CDH18: variants seen among roughly 807,000 people sequenced by gnomAD.
CDH18 encodes the protein cadherin 18, also known as cadherin-18.
CDH18 carries 31 observed loss-of-function variants against 67.9 expected under a neutral mutation model. That is an observed-to-expected ratio of 0.46 (90% CI 0.34 to 0.62). CDH18 has a LOEUF of 0.62. Ranked by LOEUF, CDH18 falls within the 20% of genes least tolerant of loss-of-function variation. The pLI is 0.01. For synonymous variants in CDH18, 362 were observed against 347.2 expected (o/e 1.04, Z -0.48); for missense variants, 890 against 975.5 (o/e 0.91, Z 1.17).
At chr5:20,516,182 C>T (rs1259671846) in intron 1 of CDH18, among the ~76,000 whole-genome samples, 2 of 151,510 alleles carry the variant, frequency 1.3e-5, no homozygotes, top group South Asian at 2.1e-4. Flanking sequence ...GATTTTTTTT[C>T]CTTTTGTAAA....
intron 1 of CDH18, among the ~76,000 whole-genome samples, chr5:20,301,095 T>G (rs1469247171): frequency 6.6e-6 from 1 of 152,192 alleles, no homozygotes; most frequent in African/African-American, 2.4e-5. Flanking sequence ...ATTGTGTCTT[T>G]TTTTCAATGA....
chr5:19,968,628 C>T (rs1285319044), intron 2 of CDH18, among the ~76,000 whole-genome samples: 3 of 147,494 alleles, frequency 2.0e-5, no homozygotes, highest in Non-Finnish European at 2.9e-5. Flanking sequence ...GCTGGGAAAA[C>T]TGGCTAGCCA....
chr5:20,222,219 A>G (rs1741283851), intron 2 of CDH18, among the ~76,000 whole-genome samples: 1 of 152,204 alleles, frequency 6.6e-6, no homozygotes, highest in Non-Finnish European at 1.5e-5. Context: ...ATAGATGCAG[A>G]GCCAACAGAT....
At chr5:20,408,349 T>C (rs1351017344) in intron 1 of CDH18, among the ~76,000 whole-genome samples, 1 of 151,974 alleles carries the variant, frequency 6.6e-6, no homozygotes, top group Non-Finnish European at 1.5e-5. Context: ...GGTAAAAATA[T>C]AGACAAATAC....
intron 1 of CDH18, among the ~76,000 whole-genome samples, chr5:20,477,279 A>G (rs574623481): frequency 6.6e-6 from 1 of 152,298 alleles, no homozygotes; most frequent in South Asian, 2.1e-4. Flanking sequence ...CTGCACGCTC[A>G]ACTATCTAAA....
chr5:19,724,502 C>T (rs1161189600), intron 4 of CDH18, among the ~76,000 whole-genome samples: 1 of 114,396 alleles, frequency 8.7e-6, no homozygotes, highest in Admixed American at 1.1e-4. Context: ...CACACTCGTA[C>T]ACACAGACAT....
At chr5:19,589,226 T>A (rs138403204) in intron 7 of CDH18, among the ~76,000 whole-genome samples, 1 of 152,076 alleles carries the variant, frequency 6.6e-6, no homozygotes, top group Non-Finnish European at 1.5e-5. Context: ...ATGTTTATAA[T>A]CCAAAATTGT....
chr5:20,280,677 T>C (rs1342995799), intron 1 of CDH18, among the ~76,000 whole-genome samples: 1 of 152,192 alleles, frequency 6.6e-6, no homozygotes, highest in African/African-American at 2.4e-5. Flanking sequence ...TATGTGTGCA[T>C]GTGTTTTTAT....
chr5:20,263,775 T>C (rs997282788), intron 1 of CDH18, among the ~76,000 whole-genome samples: 18 of 152,286 alleles, frequency 1.2e-4, no homozygotes, highest in African/African-American at 4.3e-4. Context: ...AGGTGTACTA[T>C]TTTAAAAACT....
intron 1 of CDH18, among the ~76,000 whole-genome samples, chr5:20,489,653 T>C (rs1753463499): frequency 6.6e-6 from 1 of 152,032 alleles, no homozygotes; most frequent in African/African-American, 2.4e-5. Flanking sequence ...CAGATTCTTC[T>C]GTTTCTTACA....
At chr5:20,210,818 T>C (rs1201969793) in intron 2 of CDH18, among the ~76,000 whole-genome samples, 1 of 152,076 alleles carries the variant, frequency 6.6e-6, no homozygotes, top group Non-Finnish European at 1.5e-5. Context: ...GTTATCTGTA[T>C]GCTTTTAAAC....
intron 2 of CDH18, among the ~76,000 whole-genome samples, chr5:19,855,161 T>A (rs994908575): frequency 1.3e-5 from 2 of 152,132 alleles, no homozygotes; most frequent in African/African-American, 2.4e-5. Flanking sequence ...TCTGCATTGT[T>A]CCCCGAACTT....
At chr5:20,510,536 C>T (rs1327495013) in intron 1 of CDH18, among the ~76,000 whole-genome samples, 1 of 152,026 alleles carries the variant, frequency 6.6e-6, no homozygotes, top group Non-Finnish European at 1.5e-5. Flanking sequence ...GATTGAAAAT[C>T]TGACTCCCAT....
At chr5:20,206,188 T>A (rs1739871401) in intron 2 of CDH18, among the ~76,000 whole-genome samples, 1 of 151,740 alleles carries the variant, frequency 6.6e-6, no homozygotes, top group African/African-American at 2.4e-5. Context: ...GCAAAAATCA[T>A]TAGACACTAT....
intron 8 of CDH18, among the ~76,000 whole-genome samples, chr5:19,553,308 A>T (rs1737790150): frequency 6.6e-6 from 1 of 152,134 alleles, no homozygotes; most frequent in South Asian, 2.1e-4. Context: ...ATTAATTTAA[A>T]ACTTATGTAA....
chr5:20,071,340 C>T (rs1227195238), intron 2 of CDH18, among the ~76,000 whole-genome samples: 1 of 151,806 alleles, frequency 6.6e-6, no homozygotes, highest in Admixed American at 6.6e-5. Context: ...GCTAAACTCC[C>T]CCCAAACAAG....
chr5:19,955,118 T>C (rs1796139628), intron 2 of CDH18, among the ~76,000 whole-genome samples: 1 of 152,106 alleles, frequency 6.6e-6, no homozygotes, highest in Non-Finnish European at 1.5e-5. Flanking sequence ...TTGGCACTTC[T>C]CCTTCCTGCT....
intron 1 of CDH18, among the ~76,000 whole-genome samples, chr5:20,464,754 G>A (rs16886985): frequency 0.084 from 12,747 of 152,078 alleles, 1,720 homozygotes; most frequent in African/African-American, 0.28. Context: ...TATGATTGCC[G>A]AAAGGAGATA....
intron 8 of CDH18, among the ~76,000 whole-genome samples, chr5:19,564,576 T>C (rs1170246796): frequency 1.3e-5 from 2 of 152,128 alleles, no homozygotes; most frequent in Non-Finnish European, 2.9e-5. Context: ...AGCCAGACAT[T>C]ACTCATCGTG....
Sources: gnomAD v4.1 joint callset for allele counts (sites outside exome capture counted in the v4.1 genomes callset) on GRCh38, gnomAD v4.1.1 for gene constraint, MANE v1.5 for transcripts, NCBI Gene and HGNC (gene_info 2026-07-23, HGNC 2026-07-21) for gene names.